Variants in RNF111 observed in about 807,000 individuals in gnomAD.
RNF111 encodes the protein E3 ubiquitin-protein ligase Arkadia.
A neutral mutation model predicts 95.1 loss-of-function variants in RNF111; 17 were observed. The ratio of observed to expected loss-of-function variants is 0.18; its 90% CI spans 0.12 to 0.27. The LOEUF (loss-of-function observed/expected upper bound fraction) is 0.27. Ranked by LOEUF, RNF111 falls within the 10% of genes least tolerant of loss-of-function variation. The pLI, the probability that RNF111 is intolerant of heterozygous loss-of-function variation, is 1.00. For synonymous variants in RNF111, 440 were observed against 414.8 expected, an observed-to-expected ratio of 1.06 and a Z score of -0.74; for missense variants, 1,189 against 1,210.4, an observed-to-expected ratio of 0.98 and a Z score of 0.26.
chr15:59,008,611 A>C (rs1199194810), intron 1 of RNF111, among the ~76,000 whole-genome samples: 2 of 151,972 alleles, frequency 1.3e-5, no homozygotes, highest in African/African-American at 4.8e-5. Context: ...CTGTTTCTGG[A>C]CTCTCTAGTC....
chr15:59,084,456 A>C (rs1245216504), intron 9 of RNF111: 3 of 403,166 alleles, frequency 7.4e-6, no homozygotes, highest in African/African-American at 6.2e-5. Flanking sequence ...ATCAAGCAGG[A>C]GTAGTACTTT....
At chr15:59,037,000 AT>A (rs746862245) in intron 2 of RNF111, among the ~76,000 whole-genome samples, 573 of 139,674 alleles carry the variant, frequency 4.1e-3, no homozygotes, top group Admixed American at 5.4e-3. Context: ...CAGTTGACTA[AT>A]TTTTTTTTTT....
Position 59,055,915 on chromosome 15 carries a change from GA to G in RNF111, c.1171+73del. 8 of 1,270,292 alleles carry G rather than the reference GA, an allele frequency of 6.3e-6. No homozygotes were observed. In the South Asian group the frequency reaches 8.2e-5, roughly 13 times the overall value. 78.7% of individuals were successfully genotyped at this position (1,270,292 alleles called of 1,614,324 possible). A position where few individuals can be genotyped will look rare whatever the true frequency, so the allele number is the denominator to read the frequency against. ...TAAAAGGAAATCTCTTAATATGCTA[GA>G]AACTCCTCCTGCTTACTGGTAATAT... On this transcript the variant is annotated intron_variant, in intron 4 of 13. Coordinates refer to ENST00000348370, the MANE Select transcript of RNF111 (RefSeq NM_017610.8).
chr15:59,035,058 G>T (rs984107640), intron 2 of RNF111, among the ~76,000 whole-genome samples: 1 of 152,136 alleles, frequency 6.6e-6, no homozygotes. Flanking sequence ...GCAAAGTCAC[G>T]TCTTACATGG....
At chr15:59,025,874 G>A (rs2040580076) in intron 1 of RNF111, among the ~76,000 whole-genome samples, 1 of 152,112 alleles carries the variant, frequency 6.6e-6, no homozygotes, top group South Asian at 2.1e-4. Flanking sequence ...GGGATTACAG[G>A]CATGTGCCAC....
At chr15:59,006,330 A>G (rs2039539653) in intron 1 of RNF111, among the ~76,000 whole-genome samples, 1 of 152,224 alleles carries the variant, frequency 6.6e-6, no homozygotes, top group South Asian at 2.1e-4. Flanking sequence ...CCATCACTCT[A>G]GAAAGTTCCT....
intron 2 of RNF111, among the ~76,000 whole-genome samples, chr15:59,051,564 T>A (rs1159370171): frequency 1.3e-5 from 2 of 150,976 alleles, no homozygotes; most frequent in African/African-American, 4.9e-5. Flanking sequence ...TCACTTAAGG[T>A]TAGAATTTCA....
At chr15:59,021,477 C>G (rs2040339669) in intron 1 of RNF111, among the ~76,000 whole-genome samples, 1 of 151,966 alleles carries the variant, frequency 6.6e-6, no homozygotes, top group African/African-American at 2.4e-5. Context: ...TCAAAGATTA[C>G]ATTTATTTTT....
intron 2 of RNF111, among the ~76,000 whole-genome samples, chr15:59,043,262 C>G (rs1271370856): frequency 1.3e-5 from 2 of 151,694 alleles, no homozygotes; most frequent in African/African-American, 4.8e-5. Context: ...TCAAGTGATT[C>G]TCCCACCTCA....
At chr15:59,046,117 C>T (rs1192379303) in intron 2 of RNF111, among the ~76,000 whole-genome samples, 1 of 151,408 alleles carries the variant, frequency 6.6e-6, no homozygotes, top group African/African-American at 2.4e-5. Flanking sequence ...ATTTTTAAAA[C>T]GTTTCTGTAA....
chr15:59,028,335 G>A (rs2040728044), intron 1 of RNF111, among the ~76,000 whole-genome samples: 1 of 152,010 alleles, frequency 6.6e-6, no homozygotes, highest in Non-Finnish European at 1.5e-5. Flanking sequence ...CTGTCCAAGG[G>A]GAAACCATTC....
At chr15:58,991,474 A>G (rs1249178674) in intron 1 of RNF111, among the ~76,000 whole-genome samples, 1 of 152,180 alleles carries the variant, frequency 6.6e-6, no homozygotes, top group African/African-American at 2.4e-5. Context: ...GTGGGAACAT[A>G]ATAAACAGAA....
chr15:59,013,131 T>C (rs2039907633), intron 1 of RNF111, among the ~76,000 whole-genome samples: 1 of 152,184 alleles, frequency 6.6e-6, no homozygotes, highest in Admixed American at 6.5e-5. Flanking sequence ...CACTCATTTC[T>C]CTCCTGCCTT....
At chr15:59,062,534 A>C (rs2042485150) in intron 5 of RNF111, among the ~76,000 whole-genome samples, 1 of 152,228 alleles carries the variant, frequency 6.6e-6, no homozygotes, top group East Asian at 1.9e-4. Flanking sequence ...ACTATATGTC[A>C]GGCACTGTTC....
At chr15:58,998,066 G>T (rs1288533294) in intron 1 of RNF111, among the ~76,000 whole-genome samples, 1 of 151,286 alleles carries the variant, frequency 6.6e-6, no homozygotes, top group African/African-American at 2.4e-5. Context: ...CACCACACCC[G>T]GCTAATTTTT....
rs149228057 is a variant in RNF111 at position 59,044,880 on chromosome 15, A to G, written c.881-7425A>G. ...AAAACACTGGATTGTAGATGCCAAA[A>G]TGTTGCCTGTTGTGAATATGCTTTA... On this transcript the variant is annotated intron_variant, in intron 2 of 13. Transcript: ENST00000348370. Among the ~76,000 whole-genome samples, 663 of 152,300 alleles carry G rather than the reference A, an allele frequency of 4.4e-3. 11 individuals are homozygous for G. Among genetic ancestry groups the G allele is most frequent in the African/African-American group, 0.015 (623 of 41,568 alleles).
At chr15:59,001,923 A>T (rs774826066) in intron 1 of RNF111, among the ~76,000 whole-genome samples, 2 of 152,168 alleles carry the variant, frequency 1.3e-5, no homozygotes, top group African/African-American at 4.8e-5. Context: ...AATAGCAATA[A>T]CTAATAAAAA....
At chr15:59,080,233 G>A (rs1235868377) in intron 7 of RNF111, among the ~76,000 whole-genome samples, 1 of 147,220 alleles carries the variant, frequency 6.8e-6, no homozygotes, top group Non-Finnish European at 1.5e-5. Context: ...CGATTCTCCT[G>A]CCTCAGCCTC....
intron 3 of RNF111, among the ~76,000 whole-genome samples, chr15:59,052,636 C>T (rs1192133955): frequency 1.4e-5 from 2 of 139,980 alleles, no homozygotes; most frequent in Admixed American, 1.5e-4. Context: ...TGGACTTCTA[C>T]CCCTTGGCTC....
Sources: allele counts gnomAD v4.1 joint callset (sites outside exome capture counted in the v4.1 genomes callset), GRCh38; gene constraint gnomAD v4.1.1; transcripts MANE v1.5; gene names NCBI Gene and HGNC (gene_info 2026-07-23, HGNC 2026-07-21).